GAB1: variants seen among roughly 807,000 people sequenced by gnomAD.
GAB1 encodes GRB2-associated-binding protein 1.
GAB1 carries 19 observed loss-of-function variants against 66.5 expected under a neutral mutation model. The ratio of observed to expected loss-of-function variants is 0.29; its 90% CI spans 0.20 to 0.42. The LOEUF (loss-of-function observed/expected upper bound fraction) is 0.42, where lower values mean the gene tolerates loss of function less well. Among genes scored for constraint, GAB1 ranks in the 10% least tolerant of loss-of-function variants. GAB1 has a pLI of 1.00. For synonymous variants in GAB1, 294 were observed against 301.4 expected (o/e 0.98, Z 0.25); for missense variants, 732 against 858.5 (o/e 0.85, Z 1.84).
intron 1 of GAB1, among the ~76,000 whole-genome samples, chr4:143,403,440 C>A (rs940672014): frequency 6.6e-6 from 1 of 152,122 alleles, no homozygotes; most frequent in African/African-American, 2.4e-5. Flanking sequence ...AAGCTGGGCT[C>A]ATTTTAGGGG....
chr4:143,382,080 T>C (rs1482557190), intron 1 of GAB1: 1 of 152,268 alleles, frequency 6.6e-6, no homozygotes, highest in Non-Finnish European at 1.5e-5. Context: ...TGGAATCTTA[T>C]TCAGTATCTT....
intron 1 of GAB1, among the ~76,000 whole-genome samples, chr4:143,364,650 G>A (rs561695747): frequency 4.9e-4 from 74 of 152,160 alleles, no homozygotes; most frequent in African/African-American, 1.4e-3. Context: ...CATCCTATGC[G>A]TGCTCATCAC....
intron 1 of GAB1, among the ~76,000 whole-genome samples, chr4:143,348,447 T>C (rs1429144308): frequency 1.3e-5 from 2 of 152,236 alleles, no homozygotes; most frequent in East Asian, 3.9e-4. Context: ...TCTTTGACTT[T>C]TCTCTCTCTC....
chr4:143,350,209 T>C (rs980122831), intron 1 of GAB1: 6 of 609,808 alleles, frequency 9.8e-6, no homozygotes, highest in Admixed American at 2.9e-5. Context: ...CCCCAAGCAC[T>C]GTGCCTTCTG....
intron 1 of GAB1, among the ~76,000 whole-genome samples, chr4:143,372,605 A>C (rs1560725050): frequency 4.6e-5 from 7 of 152,234 alleles, no homozygotes; most frequent in Admixed American, 3.3e-4. Flanking sequence ...TGCAGTGGCC[A>C]AAAAGCCTAA....
intron 1 of GAB1, among the ~76,000 whole-genome samples, chr4:143,392,572 G>A (rs1243771290): frequency 2.0e-5 from 3 of 152,202 alleles, no homozygotes; most frequent in East Asian, 3.9e-4. Flanking sequence ...TTAAGAGTAG[G>A]ACCTTGCCAG....
At chr4:143,387,078 A>G (rs1157496135) in intron 1 of GAB1, among the ~76,000 whole-genome samples, 1 of 152,186 alleles carries the variant, frequency 6.6e-6, no homozygotes, top group Non-Finnish European at 1.5e-5. Context: ...TAGGCATACT[A>G]GTGGCCCATG....
At chr4:143,455,523 C>G (rs1221261679) in intron 6 of GAB1, among the ~76,000 whole-genome samples, 1 of 152,154 alleles carries the variant, frequency 6.6e-6, no homozygotes, top group African/African-American at 2.4e-5. Context: ...AGCTGGAGAG[C>G]TAATGAAAAC....
At chr4:143,386,905 T>A (rs1341853476) in intron 1 of GAB1, among the ~76,000 whole-genome samples, 1 of 152,124 alleles carries the variant, frequency 6.6e-6, no homozygotes, top group Admixed American at 6.5e-5. Flanking sequence ...AAACCTAAAG[T>A]ATTTATTATC....
chr4:143,338,492 T>C (rs1451971859), intron 1 of GAB1, among the ~76,000 whole-genome samples: 1 of 152,204 alleles, frequency 6.6e-6, no homozygotes, highest in African/African-American at 2.4e-5. Flanking sequence ...CACCAGTGAA[T>C]TTCTGATTTA....
intron 1 of GAB1, among the ~76,000 whole-genome samples, chr4:143,366,405 A>G (rs1192046208): frequency 2.6e-5 from 4 of 152,198 alleles, no homozygotes; most frequent in African/African-American, 9.7e-5. Context: ...TTTTTATTAT[A>G]AAAAGAGTAG....
In GAB1 at chr4:143,337,087, G is replaced by A. The variant is rs1363522096; in HGVS notation, c.-102G>A. ...GTCCGTCCGGGGTGCGCGACCAGGA[G>A]AGCTAGGTTCTCGCCACTGCGCGCT... On this transcript the variant is annotated 5_prime_UTR_variant, in exon 1 of 10. Transcript: ENST00000262994. The A allele has an allele frequency of 7.0e-6, 7 of 997,148 alleles. No homozygotes were observed. Among genetic ancestry groups the A allele is most frequent in the East Asian group, 2.7e-5 (1 of 37,066 alleles). 61.8% of individuals were successfully genotyped at this position (997,148 alleles called of 1,614,324 possible).
intron 6 of GAB1, 144 bp from the exon 7 acceptor site, chr4:143,459,241 T>A (rs1735357419): frequency 1.6e-6 from 1 of 626,202 alleles, no homozygotes; most frequent in Admixed American, 2.5e-5. Flanking sequence ...CATGTAACAT[T>A]CATGGACCTC....
At chr4:143,341,716 G>A (rs1728829606) in intron 1 of GAB1, among the ~76,000 whole-genome samples, 4 of 152,198 alleles carry the variant, frequency 2.6e-5, no homozygotes, top group Admixed American at 2.6e-4. Flanking sequence ...CTGGAAATGG[G>A]CCTAGAAACA....
intron 3 of GAB1, among the ~76,000 whole-genome samples, chr4:143,436,482 A>G (rs954103757): frequency 8.5e-5 from 13 of 152,298 alleles, no homozygotes; most frequent in African/African-American, 3.1e-4. Flanking sequence ...GAATAGATTG[A>G]AAGAGGCAGA....
chr4:143,371,358 T>A (rs1380908096), intron 1 of GAB1, among the ~76,000 whole-genome samples: 13 of 152,270 alleles, frequency 8.5e-5, no homozygotes, highest in Non-Finnish European at 1.8e-4. Flanking sequence ...TTTTGAGAAG[T>A]GTCTGTTCAT....
At chr4:143,391,506 C>G (rs1299690481) in intron 1 of GAB1, 1 of 152,126 alleles carries the variant, frequency 6.6e-6, no homozygotes, top group Admixed American at 6.5e-5. Context: ...CTTCTCTGAC[C>G]TGGCAAGGAC....
At position 143,438,976 on chromosome 4, in the gene GAB1, G is replaced by A. The variant is rs555330610; in HGVS notation, c.1195+376G>A. Among the ~76,000 whole-genome samples, 13 of 152,244 alleles carry A rather than the reference G, an allele frequency of 8.5e-5. No homozygotes were observed. The East Asian group carries it at 1.2e-3, about 14-fold the overall frequency. On this transcript the variant is annotated intron_variant, in intron 4 of 9. Coordinates refer to ENST00000262994, the MANE Select transcript of GAB1 (RefSeq NM_002039.4). ...CCTGTATTTGTGTGCCATTATGGCC[G>A]CTTCTAAGTCACATCTGTTGGGCTC...
At chr4:143,433,743 A>G in intron 3 of GAB1, 27 bp downstream of exon 3, 1 of 1,538,974 alleles carries the variant, frequency 6.5e-7, no homozygotes, top group South Asian at 1.1e-5. Flanking sequence ...CATGTGAGAG[A>G]GAGACAGAGG....
Sources: gnomAD v4.1 joint callset for allele counts (sites outside exome capture counted in the v4.1 genomes callset) on GRCh38, gnomAD v4.1.1 for gene constraint, MANE v1.5 for transcripts, NCBI Gene and HGNC (gene_info 2026-07-23, HGNC 2026-07-21) for gene names.